The following DNAI4 variants were observed in gnomAD, a reference collection of about 807,000 sequenced individuals.
The protein encoded by DNAI4 is WD repeat domain 78.
A neutral mutation model predicts 105.8 loss-of-function variants in DNAI4; 85 were observed. That is an observed-to-expected ratio of 0.80 (90% CI 0.67 to 0.96). The LOEUF is 0.96. Ranked by LOEUF, DNAI4 falls within the 40% of genes least tolerant of loss-of-function variation. The pLI is 0.00. For synonymous variants in DNAI4, 352 were observed against 331.5 expected, an observed-to-expected ratio of 1.06 and a Z score of -0.67; for missense variants, 1,014 against 1,005.6, an observed-to-expected ratio of 1.01 and a Z score of -0.11.
At chr1:66,883,418 C>T (rs1647124625) in intron 4 of DNAI4, among the ~76,000 whole-genome samples, 1 of 152,010 alleles carries the variant, frequency 6.6e-6, no homozygotes, top group Admixed American at 6.6e-5. Context: ...GCTGGGATTA[C>T]AGGTGTGCAC....
At chr1:66,829,073 G>A (rs1417973049) in intron 13 of DNAI4, among the ~76,000 whole-genome samples, 5 of 152,138 alleles carry the variant, frequency 3.3e-5, no homozygotes, top group East Asian at 1.9e-4. Flanking sequence ...CAGTTGAGCC[G>A]TGACGCAGTT....
intron 15 of DNAI4, among the ~76,000 whole-genome samples, chr1:66,822,798 A>C (rs1278683673): frequency 1.3e-5 from 2 of 152,220 alleles, no homozygotes; most frequent in Non-Finnish European, 2.9e-5. Flanking sequence ...GTGTCCACTT[A>C]GCTAGGCTAT....
At chr1:66,910,276 G>A (rs192704006) in intron 1 of DNAI4, among the ~76,000 whole-genome samples, 323 of 152,112 alleles carry the variant, frequency 2.1e-3, no homozygotes, top group Admixed American at 4.1e-3. Context: ...ATGACTACTC[G>A]AAATCCTTCA....
rs372852308 is a variant in DNAI4, at chr1:66,914,419, G to T, written c.171-9044C>A. 2.6e-5 allele frequency among the ~76,000 whole-genome samples: 4 copies of T among 152,176 alleles called. No homozygotes were observed. In the East Asian group the frequency reaches 5.8e-4, roughly 22 times the overall value. The stretch of plus-strand genomic sequence containing the variant: ...GTTCTTTTAGCAAGCCAGTGAATTT[G>T]TATTTATCTCGTGGCTAAAAGTTCT... On this transcript the variant is annotated intron_variant, in intron 1 of 16. Coordinates refer to ENST00000371026, the MANE Select transcript of DNAI4 (RefSeq NM_024763.5).
chr1:66,862,915 A>T (rs1646658399), intron 6 of DNAI4, among the ~76,000 whole-genome samples: 1 of 152,214 alleles, frequency 6.6e-6, no homozygotes, highest in African/African-American at 2.4e-5. Flanking sequence ...TACATAATAT[A>T]TTGTCAACAG....
rs543347231 is a variant in DNAI4, at chr1:66,872,030, T to C, written c.801-521A>G. ...TGCTGAAAGAGAATGTGTTCTCTAA[T>C]TGTTGAGTGCAGAAGTCTGTATCTG... On this transcript the variant is annotated intron_variant, in intron 5 of 16. Coordinates refer to ENST00000371026, the MANE Select transcript of DNAI4 (RefSeq NM_024763.5). Among the ~76,000 whole-genome samples the C allele has an allele frequency of 2.0e-3, 298 of 152,250 alleles. 1 individual carries two copies. Among genetic ancestry groups the C allele is most frequent in the Non-Finnish European group, 3.4e-3 (234 of 68,002 alleles).
intron 4 of DNAI4, among the ~76,000 whole-genome samples, chr1:66,886,618 C>T (rs1320663965): frequency 6.6e-6 from 1 of 152,150 alleles, no homozygotes; most frequent in Non-Finnish European, 1.5e-5. Context: ...CTTTCATCTG[C>T]AATCCAGTAT....
chr1:66,915,045 C>T lies in DNAI4; in HGVS notation c.170+9617G>A, dbSNP rs564916154. ...TAATCAAGCAATTTCATACTTATCC[C>T]TGACAAATACTATAAGGTGTCAAAA... On this transcript the variant is annotated intron_variant, in intron 1 of 16. Coordinates refer to ENST00000371026, the MANE Select transcript of DNAI4 (RefSeq NM_024763.5). 2.6e-5 allele frequency among the ~76,000 whole-genome samples: 4 copies of T among 152,298 alleles called. No homozygotes were observed. The East Asian group carries it at 7.7e-4, about 29-fold the overall frequency.
chr1:66,819,820 C>G (rs1199276868), intron 16 of DNAI4, among the ~76,000 whole-genome samples: 1 of 152,068 alleles, frequency 6.6e-6, no homozygotes, highest in Non-Finnish European at 1.5e-5. Flanking sequence ...ACTCAATTCC[C>G]ACTCCCAACC....
intron 16 of DNAI4, among the ~76,000 whole-genome samples, chr1:66,821,813 A>C (rs1230154470): frequency 2.6e-5 from 4 of 152,258 alleles, no homozygotes; most frequent in Admixed American, 2.6e-4. Context: ...CATAAGAAAT[A>C]GAGAAAAAAT....
At position 66,813,082 on chromosome 1, in the gene DNAI4, G is replaced by A. The variant is rs1280988892; in HGVS notation, c.*1048C>T. On this transcript the variant is annotated 3_prime_UTR_variant, in exon 17 of 17. Transcript: ENST00000371026. ...TAAGGGATTGGTCCAAACAAATGGA[G>A]TTTATGAAGCAATGGATACTTGTAA... The A allele has an allele frequency of 1.3e-5, 2 of 152,334 alleles. No individual in the cohort carries two copies. The highest frequency in any genetic ancestry group is 2.9e-5 in the Non-Finnish European group (2 of 68,032). 9.4% of individuals were successfully genotyped at this position (152,334 alleles called of 1,614,324 possible).
chr1:66,896,810 A>G (rs1054985484), intron 2 of DNAI4, among the ~76,000 whole-genome samples: 1 of 152,186 alleles, frequency 6.6e-6, no homozygotes, highest in Non-Finnish European at 1.5e-5. Context: ...CTGTAATAAT[A>G]TTCTTTTGTT....
chr1:66,844,700 G>A (rs1646232985), intron 8 of DNAI4, among the ~76,000 whole-genome samples: 1 of 152,084 alleles, frequency 6.6e-6, no homozygotes, highest in South Asian at 2.1e-4. Context: ...ATTTGTTAGA[G>A]AGCTCATGGA....
At chr1:66,876,525 T>C (rs1009874697) in intron 4 of DNAI4, among the ~76,000 whole-genome samples, 3 of 152,294 alleles carry the variant, frequency 2.0e-5, no homozygotes, top group Admixed American at 2.0e-4. Flanking sequence ...ACCTTCTTGA[T>C]GGCAGAGGAC....
intron 4 of DNAI4, 142 bp from the exon 5 acceptor site, chr1:66,875,079 T>C (rs1050156375): frequency 3.6e-6 from 3 of 822,896 alleles, no homozygotes; most frequent in Non-Finnish European, 3.7e-6. Context: ...TTGTGAGATG[T>C]AGTATATTCA....
At chr1:66,876,919 G>A (rs911810740) in intron 4 of DNAI4, among the ~76,000 whole-genome samples, 2 of 152,182 alleles carry the variant, frequency 1.3e-5, no homozygotes, top group African/African-American at 4.8e-5. Flanking sequence ...CCTTGAGAGG[G>A]TTAGGAGAGT....
intron 3 of DNAI4, among the ~76,000 whole-genome samples, chr1:66,892,950 G>GAAGAAAGAGAAGAAAGAGAAGA (rs1553227438): frequency 3.3e-5 from 3 of 91,920 alleles, no homozygotes; most frequent in African/African-American, 1.5e-4. Context: ...AGAAGAAAGA[G>GAAGAAAGAGAAGAAAGAGAAGA]AAGAAAGAAA....
At chr1:66,893,109 GAAA>G in intron 3 of DNAI4, 117 bp downstream of exon 3, 1 of 487,328 alleles carries the variant, frequency 2.1e-6, no homozygotes. Flanking sequence ...AAGAAAGAAA[GAAA>G]GAAAGAAAGA....
rs1169107008 is a variant in DNAI4 at position 66,833,600 on chromosome 1, A to G, written c.1998T>C (p.Phe666=). Residue 666 remains phenylalanine (F), a synonymous_variant, in exon 13 of 17, where the codon TTT becomes TTC. Coordinates refer to ENST00000371026, the MANE Select transcript of DNAI4 (RefSeq NM_024763.5). ...LISRQAPGMC[F]AFHPKDTNIY... ...AATAATTTACCTTGGGATGAAAAGC[A>G]AAACACATTCCAGGAGCCTGTCGAG... The G allele has an allele frequency of 6.2e-7, 1 of 1,612,788 alleles. No homozygotes were observed. The highest frequency in any genetic ancestry group is 8.5e-7 in the Non-Finnish European group (1 of 1,179,398).
Sources: allele counts gnomAD v4.1 joint callset (sites outside exome capture counted in the v4.1 genomes callset), GRCh38; gene constraint gnomAD v4.1.1; transcripts MANE v1.5; gene names NCBI Gene and HGNC (gene_info 2026-07-23, HGNC 2026-07-21).